Variants in SCARA5 observed in about 807,000 individuals in gnomAD.
SCARA5 encodes scavenger receptor class A, member 5 (putative).
Under a neutral mutation model 46.3 loss-of-function variants are expected in SCARA5, and 45 were observed. The observed-to-expected ratio is 0.97, with a 90% CI of 0.76 to 1.24. SCARA5 has a LOEUF of 1.24. Ranked by LOEUF, SCARA5 falls within the 50% of genes most tolerant of loss-of-function variation. SCARA5 has a pLI of 0.00. For missense variants in SCARA5, 680 were observed against 689.0 expected, an observed-to-expected ratio of 0.99 and a Z score of 0.15; for synonymous variants, 333 against 306.5, an observed-to-expected ratio of 1.09 and a Z score of -0.90.
intron 4 of SCARA5, among the ~76,000 whole-genome samples, chr8:27,919,305 C>A (rs1807544370): frequency 6.8e-6 from 1 of 147,784 alleles, no homozygotes; most frequent in Non-Finnish European, 1.5e-5. Context: ...GAGGGCCCTG[C>A]AGGTGCAGGA....
Position 27,871,669 on chromosome 8 carries a change from G to T in SCARA5, c.*265C>A. The T allele has an allele frequency of 7.4e-7, 1 of 1,355,302 alleles. No homozygotes were observed. The highest frequency in any genetic ancestry group is 9.5e-7 in the Non-Finnish European group (1 of 1,051,046). The allele number at this position is 1,355,302 out of a possible 1,614,324, so 84.0% of individuals were successfully genotyped here. Reference sequence around the variant, plus strand: ...ATGGTGTTCAGAGGCTGGGCAAAGTGGTGATCCAGTTGATCAGGGCTCCTC... The same window carrying T: ...ATGGTGTTCAGAGGCTGGGCAAAGTTGTGATCCAGTTGATCAGGGCTCCTC... On this transcript the variant is annotated 3_prime_UTR_variant, in exon 9 of 9. Coordinates refer to ENST00000354914, the MANE Select transcript of SCARA5 (RefSeq NM_173833.6).
At chr8:27,900,127 G>A (rs1233475392) in intron 7 of SCARA5, among the ~76,000 whole-genome samples, 1 of 149,856 alleles carries the variant, frequency 6.7e-6, no homozygotes, top group African/African-American at 2.5e-5. Flanking sequence ...GACAGAGCAA[G>A]ACTCCATCTA....
chr8:27,941,097 G>T (rs1037816735), intron 3 of SCARA5, among the ~76,000 whole-genome samples: 2 of 151,012 alleles, frequency 1.3e-5, no homozygotes, highest in Non-Finnish European at 2.9e-5. Context: ...ACATCATATA[G>T]TTAAAAAAAA....
intron 3 of SCARA5, among the ~76,000 whole-genome samples, chr8:27,956,249 C>T (rs1233570966): frequency 3.3e-5 from 5 of 152,162 alleles, no homozygotes; most frequent in Admixed American, 6.5e-5. Flanking sequence ...CACACCATTA[C>T]GCAATATACC....
chr8:27,972,018 C>T (rs1808454095), intron 2 of SCARA5, among the ~76,000 whole-genome samples: 1 of 152,104 alleles, frequency 6.6e-6, no homozygotes, highest in African/African-American at 2.4e-5. Context: ...TCCTATTATA[C>T]ATTAAAATAG....
intron 3 of SCARA5, among the ~76,000 whole-genome samples, chr8:27,960,705 G>A (rs1808281154): frequency 2.0e-5 from 3 of 152,212 alleles, no homozygotes; most frequent in Admixed American, 1.3e-4. Context: ...ATCCTGAAGA[G>A]AATATAGCTA....
intron 3 of SCARA5, among the ~76,000 whole-genome samples, chr8:27,942,645 C>A (rs532314198): frequency 6.6e-6 from 1 of 152,280 alleles, no homozygotes; most frequent in Admixed American, 6.5e-5. Flanking sequence ...CTTCCTTCCC[C>A]ACTTTAACTC....
At chr8:27,878,186 C>T (rs1268150149) in intron 8 of SCARA5, among the ~76,000 whole-genome samples, 1 of 152,184 alleles carries the variant, frequency 6.6e-6, no homozygotes, top group Non-Finnish European at 1.5e-5. Flanking sequence ...CCCAATCCCT[C>T]CCCACACCCA....
intron 4 of SCARA5, among the ~76,000 whole-genome samples, chr8:27,918,868 G>GGA (rs1807523054): frequency 8.2e-6 from 1 of 122,248 alleles, no homozygotes; most frequent in Non-Finnish European, 1.8e-5. Context: ...AGAAGGAGGA[G>GGA]GGGAAGAAGG....
chr8:27,966,189 A>G (rs960078458), intron 3 of SCARA5, among the ~76,000 whole-genome samples: 1 of 152,242 alleles, frequency 6.6e-6, no homozygotes, highest in Non-Finnish European at 1.5e-5. Flanking sequence ...CCAAGCAGCT[A>G]GGTCTCTACT....
At chr8:27,880,260 C>G (rs987945802) in intron 7 of SCARA5, among the ~76,000 whole-genome samples, 3 of 151,990 alleles carry the variant, frequency 2.0e-5, no homozygotes, top group Non-Finnish European at 2.9e-5. Flanking sequence ...GGAAGAAAAC[C>G]TGGGAAACAT....
chr8:27,951,735 G>A (rs2129902098), intron 3 of SCARA5, among the ~76,000 whole-genome samples: 1 of 152,330 alleles, frequency 6.6e-6, no homozygotes, highest in South Asian at 2.1e-4. Context: ...TCATGCAGGG[G>A]AGGTTCCCTG....
chr8:27,977,916 A>G (rs1251734073), intron 2 of SCARA5, among the ~76,000 whole-genome samples: 1 of 152,240 alleles, frequency 6.6e-6, no homozygotes, highest in East Asian at 1.9e-4. Context: ...AAATACATAA[A>G]TACCTCAACA....
At chr8:27,876,260 T>A (rs555665684) in intron 8 of SCARA5, among the ~76,000 whole-genome samples, 1 of 152,274 alleles carries the variant, frequency 6.6e-6, no homozygotes, top group South Asian at 2.1e-4. Flanking sequence ...GGGAATCTAG[T>A]CAAGGTCTCC....
chr8:27,918,991 AAG>A (rs1425975266), intron 4 of SCARA5, among the ~76,000 whole-genome samples: 1 of 5,772 alleles, frequency 1.7e-4, no homozygotes, highest in African/African-American at 9.3e-4. Flanking sequence ...AGGAGGGGAG[AAG>A]GGAGGAGGAG....
chr8:27,901,120 T>A (rs1585474201), intron 7 of SCARA5, among the ~76,000 whole-genome samples: 1 of 152,166 alleles, frequency 6.6e-6, no homozygotes, highest in Non-Finnish European at 1.5e-5. Flanking sequence ...AAAAATATTT[T>A]AATGTGGACT....
chr8:27,879,164 C>T (rs1198575030), intron 8 of SCARA5, among the ~76,000 whole-genome samples: 1 of 152,152 alleles, frequency 6.6e-6, no homozygotes, highest in Non-Finnish European at 1.5e-5. Flanking sequence ...ATATTTGTTA[C>T]ATGTTGAGAA....
chr8:27,975,840 T>A (rs1808515652), intron 2 of SCARA5, among the ~76,000 whole-genome samples: 1 of 152,090 alleles, frequency 6.6e-6, no homozygotes, highest in Non-Finnish European at 1.5e-5. Flanking sequence ...CAGGGCCAGA[T>A]GCACCCAAGC....
intron 2 of SCARA5, among the ~76,000 whole-genome samples, chr8:27,971,470 G>T (rs975054310): frequency 6.6e-6 from 1 of 152,208 alleles, no homozygotes; most frequent in Non-Finnish European, 1.5e-5. Context: ...TGAACCATCT[G>T]CAGGAAGTAC....
Sources: gnomAD v4.1 joint callset for allele counts (sites outside exome capture counted in the v4.1 genomes callset) on GRCh38, gnomAD v4.1.1 for gene constraint, MANE v1.5 for transcripts, NCBI Gene and HGNC (gene_info 2026-07-23, HGNC 2026-07-21) for gene names.